Variants in ZBED6 observed in about 807,000 individuals in gnomAD.
The protein encoded by ZBED6 is zinc finger BED-type containing 6.
A neutral mutation model predicts 58.4 loss-of-function variants in ZBED6; 40 were observed. That is an observed-to-expected ratio of 0.68 (90% confidence interval 0.53 to 0.89). The LOEUF (loss-of-function observed/expected upper bound fraction) is 0.89. Among genes scored for constraint, ZBED6 ranks in the 40% least tolerant of loss-of-function variants. ZBED6 has a pLI of 0.00. For synonymous variants in ZBED6, 439 were observed against 350.6 expected (o/e 1.25, Z -2.82); for missense variants, 1,057 against 1,003.9 (o/e 1.05, Z -0.71).
intron 10 of ZBED6, 119 bp from the exon 11 acceptor site, chr1:203,840,187 C>T (rs1303516341): frequency 1.2e-5 from 11 of 908,864 alleles, no homozygotes; most frequent in Non-Finnish European, 1.9e-5. Flanking sequence ...GATCAGCCTG[C>T]CTTGGCCTCC....
rs756302658 is a variant in ZBED6, at chr1:203,849,890, G to C, written c.*4502G>C. ...CAGAGAAACCAGTGCTCACTGCTGT[G>C]CCAGGAATCACACGGCACCTGACCA... On this transcript the variant is annotated 3_prime_UTR_variant, in exon 14 of 17. Coordinates refer to ENST00000550078, the Ensembl canonical transcript of ZBED6. 3 of 1,614,084 alleles carry C rather than the reference G, an allele frequency of 1.9e-6. No homozygotes were observed. In the South Asian group the frequency reaches 3.3e-5, roughly 18 times the overall value.
chr1:203,825,520 C>T (rs934854010), intron 3 of ZBED6, among the ~76,000 whole-genome samples: 1 of 150,472 alleles, frequency 6.6e-6, no homozygotes, highest in Non-Finnish European at 1.5e-5. Context: ...CTGAAACTTC[C>T]ACCTCCCGGG....
At chr1:203,812,224 G>C (rs951302461) in intron 1 of ZBED6, among the ~76,000 whole-genome samples, 1 of 152,064 alleles carries the variant, frequency 6.6e-6, no homozygotes, top group African/African-American at 2.4e-5. Context: ...CATCACCCAG[G>C]TATTAAGCCT....
chr1:203,798,532 C>A, exon 1 of ZBED6: 2 of 1,536,110 alleles, frequency 1.3e-6, no homozygotes, highest in Non-Finnish European at 1.7e-6. Context: ...GAAGCTGAGA[C>A]TGAGAGAAGT....
chr1:203,842,625 CTTTTTT>C (rs575844553), intron 11 of ZBED6, among the ~76,000 whole-genome samples: 2 of 128,326 alleles, frequency 1.6e-5, no homozygotes, highest in African/African-American at 5.8e-5. Flanking sequence ...GAGGGGGAAT[CTTTTTT>C]TTTTTTTTTT....
exon 1 of ZBED6, chr1:203,797,991 A>AGAG: frequency 6.5e-7 from 1 of 1,534,692 alleles, no homozygotes; most frequent in Non-Finnish European, 8.7e-7. Context: ...CTGTGAGAAA[A>AGAG]GCGTCAGCAG....
At chr1:203,804,350 C>G (rs373150154) in intron 1 of ZBED6, among the ~76,000 whole-genome samples, 64 of 152,142 alleles carry the variant, frequency 4.2e-4, no homozygotes, top group African/African-American at 1.5e-3. Flanking sequence ...GACGGGGTTT[C>G]ACCGTGTTAG....
intron 13 of ZBED6, among the ~76,000 whole-genome samples, chr1:203,849,478 G>A (rs1688754472): frequency 6.6e-6 from 1 of 152,190 alleles, no homozygotes; most frequent in Admixed American, 6.5e-5. Flanking sequence ...ATTTGACTTA[G>A]AGTCATGGTT....
intron 3 of ZBED6, among the ~76,000 whole-genome samples, chr1:203,825,396 A>G (rs938854621): frequency 6.6e-6 from 1 of 151,228 alleles, no homozygotes; most frequent in Non-Finnish European, 1.5e-5. Flanking sequence ...ATGTGAAGAC[A>G]TAATTATGTA....
chr1:203,806,206 C>G (rs1672283904), intron 1 of ZBED6: 2 of 433,538 alleles, frequency 4.6e-6, no homozygotes, highest in East Asian at 1.2e-4. Flanking sequence ...CATGCCAATG[C>G]AGTCATTCAG....
At chr1:203,798,964 A>C in exon 1 of ZBED6, 2 of 1,536,088 alleles carry the variant, frequency 1.3e-6, no homozygotes, top group Non-Finnish European at 1.7e-6. Flanking sequence ...CAAAAGATAC[A>C]CCTGACTGTT....
At chr1:203,822,427 G>C (rs1043918783) in intron 3 of ZBED6, among the ~76,000 whole-genome samples, 1 of 151,606 alleles carries the variant, frequency 6.6e-6, no homozygotes, top group Non-Finnish European at 1.5e-5. Flanking sequence ...TCCTACTTTT[G>C]ACCCCCAACA....
In ZBED6 at chr1:203,833,636, T is replaced by G. The variant is rs890118303; in HGVS notation, c.*3511-155T>G. Reference sequence around the variant, plus strand: ...GGTTTGGGTTTTTTTTTTTTTTTTTTGATATAATGGCCTTCCTTAAGACTG... The same window carrying G: ...GGTTTGGGTTTTTTTTTTTTTTTTTGGATATAATGGCCTTCCTTAAGACTG... On this transcript the variant is annotated intron_variant, in intron 8 of 16. Coordinates refer to ENST00000550078, the Ensembl canonical transcript of ZBED6. Among the ~76,000 whole-genome samples, 21 of 134,350 alleles carry G rather than the reference T, an allele frequency of 1.6e-4. No individual in the cohort carries two copies. In the East Asian group the frequency reaches 4.7e-3, roughly 30 times the overall value. The allele number at this position is 134,350 out of a possible 152,430, so 88.1% of individuals were successfully genotyped here.
At chr1:203,801,055 T>C (rs1448486546) in exon 1 of ZBED6, 1 of 152,192 alleles carries the variant, frequency 6.6e-6, no homozygotes, top group Non-Finnish European at 1.5e-5. Context: ...AAGGGAAATA[T>C]TAGAAAACAA....
At chr1:203,810,994 A>G (rs1379618642) in intron 1 of ZBED6, among the ~76,000 whole-genome samples, 5 of 151,502 alleles carry the variant, frequency 3.3e-5, no homozygotes, top group Admixed American at 6.6e-5. Context: ...AAAAAAAATT[A>G]GCAGGGTATG....
intron 11 of ZBED6, among the ~76,000 whole-genome samples, chr1:203,844,902 A>C (rs1161519524): frequency 6.6e-6 from 1 of 151,942 alleles, no homozygotes; most frequent in African/African-American, 2.4e-5. Flanking sequence ...TCCAGCCCCA[A>C]CATCTTCATA....
At chr1:203,797,014 C>T (rs1668753569) in exon 1 of ZBED6, 1 of 153,210 alleles carries the variant, frequency 6.5e-6, no homozygotes, top group South Asian at 2.1e-4. Flanking sequence ...GAATGATGCA[C>T]TATGTTTTTG....
chr1:203,798,800 C>G lies in ZBED6; in HGVS notation c.1278C>G (p.Asn426Lys), dbSNP rs190516745. Residue 426 changes from asparagine (N) to lysine (K), a missense_variant, in exon 1 of 17, where the codon AAC (asparagine) becomes AAG (lysine). Physicochemically the swap from Asn to Lys is moderately conservative, Grantham distance 94. Coordinates refer to ENST00000550078, the Ensembl canonical transcript of ZBED6. ...TTGTGGAGGATATGCATCCTTACAACTATTTCTCAACCCCAGCCTTTCAGA... is the reference window on the plus strand; with the variant it reads ...TTGTGGAGGATATGCATCCTTACAAGTATTTCTCAACCCCAGCCTTTCAGA... 4.6e-6 allele frequency: 7 copies of G among 1,536,158 alleles called. No individual in the cohort carries two copies. The Admixed American group carries it at 9.8e-5, about 22-fold the overall frequency.
At chr1:203,800,381 C>T (rs774503590) in exon 1 of ZBED6, 30 of 1,004,740 alleles carry the variant, frequency 3.0e-5, no homozygotes, top group South Asian at 2.3e-4. Context: ...ATGTTAACTA[C>T]GATTATTCTA....
Sources: allele counts gnomAD v4.1 joint callset (sites outside exome capture counted in the v4.1 genomes callset), GRCh38; gene constraint gnomAD v4.1.1; transcripts MANE v1.5; gene names NCBI Gene and HGNC (gene_info 2026-07-23, HGNC 2026-07-21).